The following TMC1 variants were observed in gnomAD, a reference collection of about 807,000 sequenced individuals.
TMC1 encodes transmembrane channel like 1.
In TMC1, 84 loss-of-function variants were observed where a neutral mutation model predicts 105.8. The ratio of observed to expected loss-of-function variants is 0.79; its 90% CI spans 0.67 to 0.95. TMC1 has a LOEUF of 0.95. Ranked by LOEUF, TMC1 falls within the 40% of genes least tolerant of loss-of-function variation. The pLI, the probability that TMC1 is intolerant of heterozygous loss-of-function variation, is 0.00. For synonymous variants in TMC1, 315 were observed against 311.5 expected (o/e 1.01, Z -0.12); for missense variants, 817 against 914.1 (o/e 0.89, Z 1.37).
intron 8 of TMC1, among the ~76,000 whole-genome samples, chr9:72,725,257 A>C (rs1259284748): frequency 1.3e-5 from 2 of 148,438 alleles, no homozygotes; most frequent in Non-Finnish European, 3.0e-5. Flanking sequence ...CATTGTATTC[A>C]AATATTGTAT....
chr9:72,788,854 A>G (rs1828215147), intron 14 of TMC1, among the ~76,000 whole-genome samples: 1 of 151,892 alleles, frequency 6.6e-6, no homozygotes, highest in South Asian at 2.1e-4. Flanking sequence ...TTTTTTTTTT[A>G]ATTCACTGGA....
At chr9:72,691,218 T>A (rs2132186354) in intron 6 of TMC1, among the ~76,000 whole-genome samples, 1 of 152,322 alleles carries the variant, frequency 6.6e-6, no homozygotes, top group African/African-American at 2.4e-5. Flanking sequence ...TTGAAACTCA[T>A]ACTTTGTTCA....
chr9:72,705,269 G>C (rs959919325), intron 8 of TMC1, among the ~76,000 whole-genome samples: 8 of 152,170 alleles, frequency 5.3e-5, no homozygotes, highest in African/African-American at 1.9e-4. Flanking sequence ...TAGATTGAAA[G>C]TGCTCATGAC....
intron 1 of TMC1, among the ~76,000 whole-genome samples, chr9:72,533,760 G>A (rs1437619656): frequency 2.0e-5 from 3 of 152,140 alleles, no homozygotes; most frequent in African/African-American, 7.2e-5. Flanking sequence ...TTGGTTTCAT[G>A]CGTTTCTCTC....
intron 19 of TMC1, among the ~76,000 whole-genome samples, chr9:72,819,820 A>G (rs1828840766): frequency 6.6e-6 from 1 of 152,246 alleles, no homozygotes; most frequent in African/African-American, 2.4e-5. Context: ...GGACAGTTTA[A>G]AAGACAGGGC....
chr9:72,593,670 G>T (rs1824673594), intron 2 of TMC1, among the ~76,000 whole-genome samples: 2 of 151,446 alleles, frequency 1.3e-5, no homozygotes, highest in Admixed American at 6.6e-5. Flanking sequence ...GGGATTACAG[G>T]CATGAGCCCC....
At chr9:72,769,828 TGTG>T (rs751749806) in intron 12 of TMC1, among the ~76,000 whole-genome samples, 5 of 152,148 alleles carry the variant, frequency 3.3e-5, no homozygotes, top group Non-Finnish European at 5.9e-5. Context: ...ATTTGGAAGT[TGTG>T]GTGTTGTCCC....
chr9:72,707,667 T>A (rs1826766852), intron 8 of TMC1, among the ~76,000 whole-genome samples: 1 of 152,222 alleles, frequency 6.6e-6, no homozygotes, highest in African/African-American at 2.4e-5. Flanking sequence ...TTAGTCTTTG[T>A]CAGATGTAGA....
At chr9:72,726,262 A>G (rs950942327) in intron 8 of TMC1, among the ~76,000 whole-genome samples, 1 of 152,194 alleles carries the variant, frequency 6.6e-6, no homozygotes, top group South Asian at 2.1e-4. Context: ...TATATGCATA[A>G]GTTTACCTAT....
intron 18 of TMC1, among the ~76,000 whole-genome samples, chr9:72,806,641 G>A (rs1794279166): frequency 1.3e-5 from 2 of 151,916 alleles, no homozygotes; most frequent in South Asian, 4.1e-4. Context: ...GCCGGGCAGA[G>A]GTGCTCCTCA....
chr9:72,629,155 G>A (rs1279436007), intron 4 of TMC1, among the ~76,000 whole-genome samples: 5 of 152,148 alleles, frequency 3.3e-5, no homozygotes, highest in African/African-American at 1.2e-4. Context: ...TCTCAAGGAC[G>A]TTAGGTAATT....
At chr9:72,553,388 T>C (rs1444048410) in intron 1 of TMC1, among the ~76,000 whole-genome samples, 2 of 152,202 alleles carry the variant, frequency 1.3e-5, no homozygotes, top group African/African-American at 4.8e-5. Flanking sequence ...CATCTCCAGA[T>C]GAAGAAAACT....
chr9:72,810,343 A>G (rs1016060038), intron 18 of TMC1, among the ~76,000 whole-genome samples: 2 of 152,156 alleles, frequency 1.3e-5, no homozygotes, highest in African/African-American at 2.4e-5. Context: ...GGTCCTTTCT[A>G]CTGTATGCAT....
intron 1 of TMC1, among the ~76,000 whole-genome samples, chr9:72,546,305 A>G (rs1823767344): frequency 6.6e-6 from 1 of 152,134 alleles, no homozygotes; most frequent in African/African-American, 2.4e-5. Context: ...ATATAAAAAT[A>G]AATAAATTGA....
intron 15 of TMC1, among the ~76,000 whole-genome samples, chr9:72,791,303 T>G (rs1828263242): frequency 6.6e-6 from 1 of 152,164 alleles, no homozygotes; most frequent in Non-Finnish European, 1.5e-5. Context: ...TTATGTCATG[T>G]GTTCTCCATT....
intron 18 of TMC1, among the ~76,000 whole-genome samples, chr9:72,809,468 T>A (rs1039516805): frequency 1.3e-5 from 2 of 152,182 alleles, no homozygotes; most frequent in African/African-American, 2.4e-5. Context: ...TTGATGTAGA[T>A]CCCATTGTCA....
At chr9:72,704,423 A>G (rs1826699582) in intron 8 of TMC1, among the ~76,000 whole-genome samples, 1 of 152,178 alleles carries the variant, frequency 6.6e-6, no homozygotes, top group Non-Finnish European at 1.5e-5. Flanking sequence ...TGAGGGTGTT[A>G]TGGGAGACTC....
intron 4 of TMC1, among the ~76,000 whole-genome samples, chr9:72,644,098 G>C (rs2166175): frequency 0.54 from 82,019 of 151,902 alleles, 22,955 homozygotes; most frequent in African/African-American, 0.7. Context: ...TTTAATAATT[G>C]ATACATTTTT....
chr9:72,539,220 A>G (rs983581522), intron 1 of TMC1, among the ~76,000 whole-genome samples: 15 of 99,976 alleles, frequency 1.5e-4, no homozygotes, highest in Non-Finnish European at 2.7e-4. Flanking sequence ...CCATCTCTAC[A>G]AAAAATACAA....
Sources: gnomAD v4.1 joint callset for allele counts (sites outside exome capture counted in the v4.1 genomes callset) on GRCh38, gnomAD v4.1.1 for gene constraint, MANE v1.5 for transcripts, NCBI Gene and HGNC (gene_info 2026-07-23, HGNC 2026-07-21) for gene names.